The following SLC6A6 variants were observed in gnomAD, a reference collection of about 807,000 sequenced individuals.
SLC6A6 encodes sodium- and chloride-dependent taurine transporter.
Under a neutral mutation model 68.8 loss-of-function variants are expected in SLC6A6, and 16 were observed. The ratio of observed to expected loss-of-function variants is 0.23; its 90% CI spans 0.16 to 0.35. SLC6A6 has a LOEUF of 0.35. Among genes scored for constraint, SLC6A6 ranks in the 10% least tolerant of loss-of-function variants. The probability of loss-of-function intolerance (pLI) is 1.00; values close to 1 mark genes in which losing one functional copy is unlikely to be tolerated. For synonymous variants in SLC6A6, 312 were observed against 315.4 expected, an observed-to-expected ratio of 0.99 and a Z score of 0.12; for missense variants, 474 against 802.8, an observed-to-expected ratio of 0.59 and a Z score of 4.95.
intron 5 of SLC6A6, among the ~76,000 whole-genome samples, chr3:14,457,328 C>T (rs1460347588): frequency 6.6e-6 from 1 of 152,198 alleles, no homozygotes; most frequent in Non-Finnish European, 1.5e-5. Flanking sequence ...GGCTGTGTGC[C>T]TGAAACTTCC....
chr3:14,438,399 G>A (rs112735386), intron 2 of SLC6A6, among the ~76,000 whole-genome samples: 5 of 152,298 alleles, frequency 3.3e-5, no homozygotes, highest in African/African-American at 1.2e-4. Flanking sequence ...CTTAGTCATG[G>A]CCTCAGCCCA....
At chr3:14,405,860 C>T (rs370840953) in intron 1 of SLC6A6, among the ~76,000 whole-genome samples, 1 of 152,240 alleles carries the variant, frequency 6.6e-6, no homozygotes, top group African/African-American at 2.4e-5. Context: ...GCTCCTGTCC[C>T]AGAGGTAGAA....
intron 6 of SLC6A6, among the ~76,000 whole-genome samples, chr3:14,466,255 G>T (rs527616690): frequency 7.4e-6 from 1 of 135,466 alleles, no homozygotes; most frequent in Non-Finnish European, 1.5e-5. Flanking sequence ...GCGAGGCTCC[G>T]TCTCAAATTT....
intron 2 of SLC6A6, among the ~76,000 whole-genome samples, chr3:14,441,042 T>C (rs1434347119): frequency 6.6e-6 from 1 of 152,120 alleles, no homozygotes; most frequent in East Asian, 1.9e-4. Flanking sequence ...CAAAGGGACT[T>C]GGGGAACCCC....
At chr3:14,429,040 C>G (rs1320314931) in intron 2 of SLC6A6, among the ~76,000 whole-genome samples, 1 of 152,180 alleles carries the variant, frequency 6.6e-6, no homozygotes, top group African/African-American at 2.4e-5. Context: ...CTCTGCACCC[C>G]CCTACCCCCA....
chr3:14,432,748 C>T (rs897289936), intron 2 of SLC6A6: 1 of 152,284 alleles, frequency 6.6e-6, no homozygotes, highest in Admixed American at 6.5e-5. Context: ...TGCTCTCGGC[C>T]CTGCCTCTGG....
intron 1 of SLC6A6, among the ~76,000 whole-genome samples, chr3:14,414,414 T>C (rs1486363956): frequency 2.6e-5 from 4 of 152,202 alleles, no homozygotes; most frequent in African/African-American, 7.2e-5. Flanking sequence ...TCTAGACCCC[T>C]TGGGCTGAGA....
At chr3:14,418,474 G>A (rs533252938) in intron 2 of SLC6A6, among the ~76,000 whole-genome samples, 2 of 152,254 alleles carry the variant, frequency 1.3e-5, no homozygotes, top group South Asian at 2.1e-4. Flanking sequence ...CTGTGACATC[G>A]GGCAGGGGTG....
At chr3:14,405,636 A>G (rs1201894548) in intron 1 of SLC6A6, among the ~76,000 whole-genome samples, 1 of 152,202 alleles carries the variant, frequency 6.6e-6, no homozygotes, top group East Asian at 1.9e-4. Context: ...TTGGGGCTGC[A>G]TCTCATTTTC....
Position 14,466,578 on chromosome 3 carries a change from G to A in SLC6A6, c.795G>A (p.Leu265=), listed in dbSNP as rs778742972. ...TCCTGGTGCTGCTGGTCCGAGGGCT[G>A]ACGCTGCCGGGCGCGGGCGCAGGCA... The part of the protein sequence containing the change: ...AMLLVLLVRG[L]TLPGAGAGIK... The change falls in exon 7 of 15, where the codon CTG becomes CTA. Residue 265 remains leucine (L), a synonymous_variant. Transcript: ENST00000622186. 2 of 1,613,694 alleles carry A rather than the reference G, an allele frequency of 1.2e-6. No individual in the cohort carries two copies. The highest frequency in any genetic ancestry group is 2.2e-5 in the East Asian group (1 of 44,870).
chr3:14,419,700 T>G (rs999160021), intron 2 of SLC6A6, among the ~76,000 whole-genome samples: 10 of 152,108 alleles, frequency 6.6e-5, no homozygotes, highest in African/African-American at 2.4e-4. Context: ...CCTCATCACT[T>G]TGTAAGCACA....
intron 14 of SLC6A6, among the ~76,000 whole-genome samples, chr3:14,484,518 G>T (rs141935093): frequency 6.6e-6 from 1 of 152,280 alleles, no homozygotes; most frequent in East Asian, 1.9e-4. Context: ...GCAAGGCAGA[G>T]AAATCAGAGG....
chr3:14,414,236 C>G (rs1699315415), intron 1 of SLC6A6, among the ~76,000 whole-genome samples: 1 of 152,164 alleles, frequency 6.6e-6, no homozygotes, highest in Admixed American at 6.5e-5. Context: ...CCATCTCAAC[C>G]AAGAAAGAGC....
chr3:14,460,177 C>T (rs1041003872), intron 6 of SLC6A6, among the ~76,000 whole-genome samples: 1 of 152,046 alleles, frequency 6.6e-6, no homozygotes, highest in South Asian at 2.1e-4. Context: ...TGAGCCTCTA[C>T]CGTGTGCCAG....
intron 1 of SLC6A6, among the ~76,000 whole-genome samples, chr3:14,406,570 A>G (rs1206630086): frequency 6.6e-6 from 1 of 152,200 alleles, no homozygotes; most frequent in Non-Finnish European, 1.5e-5. Context: ...TAACCGGTAC[A>G]CAGGCCATTA....
chr3:14,457,317 C>G (rs149498372), intron 5 of SLC6A6, among the ~76,000 whole-genome samples: 1 of 152,166 alleles, frequency 6.6e-6, no homozygotes, highest in Non-Finnish European at 1.5e-5. Context: ...GCTTAGGTGC[C>G]GGCTGTGTGC....
At chr3:14,417,874 A>G (rs756365320) in intron 2 of SLC6A6, among the ~76,000 whole-genome samples, 30 of 152,216 alleles carry the variant, frequency 2.0e-4, no homozygotes, top group Non-Finnish European at 1.8e-4. Context: ...CAGTGTTTAC[A>G]GCAGCCTTAT....
intron 4 of SLC6A6, 72 bp downstream of exon 4, chr3:14,445,923 G>T (rs921467390): frequency 6.6e-7 from 1 of 1,508,992 alleles, no homozygotes; most frequent in Non-Finnish European, 9.2e-7. Flanking sequence ...AGCACCTATT[G>T]TCTGCCAGGT....
chr3:14,466,248 A>G (rs1700615534), intron 6 of SLC6A6, among the ~76,000 whole-genome samples: 1 of 141,544 alleles, frequency 7.1e-6, no homozygotes, highest in South Asian at 2.3e-4. Flanking sequence ...GGTGACAGCG[A>G]GGCTCCGTCT....
Sources: gnomAD v4.1 joint callset for allele counts (sites outside exome capture counted in the v4.1 genomes callset) on GRCh38, gnomAD v4.1.1 for gene constraint, MANE v1.5 for transcripts, NCBI Gene and HGNC (gene_info 2026-07-23, HGNC 2026-07-21) for gene names.